Variants in STAT5B observed in about 807,000 individuals in gnomAD.
STAT5B encodes transcription factor STAT5B.
A neutral mutation model predicts 107.8 loss-of-function variants in STAT5B; 21 were observed. The ratio of observed to expected loss-of-function variants is 0.19; its 90% CI spans 0.14 to 0.28. STAT5B has a LOEUF of 0.28. STAT5B is among the 10% of genes least tolerant of loss of function. The pLI, the probability that STAT5B is intolerant of heterozygous loss-of-function variation, is 1.00. For synonymous variants in STAT5B, 325 were observed against 401.7 expected (o/e 0.81, Z 2.28); for missense variants, 565 against 1,008.2 (o/e 0.56, Z 5.95).
upstream of STAT5B, among the ~76,000 whole-genome samples, chr17:42,280,165 C>G (rs879556521): frequency 2.4e-4 from 36 of 152,096 alleles, no homozygotes; most frequent in Non-Finnish European, 3.7e-4. Flanking sequence ...TCCAACCCAT[C>G]AGGAATGACC....
At chr17:42,269,744 A>G (rs911105219) in intron 1 of STAT5B, 1 of 152,084 alleles carries the variant, frequency 6.6e-6, no homozygotes, top group Admixed American at 6.6e-5. Context: ...TTAAAGCACT[A>G]CGCTTTAGGG....
intron 16 of STAT5B, among the ~76,000 whole-genome samples, chr17:42,204,893 CA>C (rs2080073912): frequency 1.3e-5 from 2 of 152,188 alleles, no homozygotes; most frequent in African/African-American, 4.8e-5. Context: ...GAATTACAGG[CA>C]TGAGCCACTG....
At chr17:42,253,637 A>AT (rs1477780918) in intron 1 of STAT5B, among the ~76,000 whole-genome samples, 4 of 152,100 alleles carry the variant, frequency 2.6e-5, no homozygotes, top group African/African-American at 7.2e-5. Context: ...CATCACAACC[A>AT]TTTCCACCTT....
chr17:42,202,582 G>A (rs2080054233), intron 17 of STAT5B, 135 bp from the exon 18 acceptor site: 1 of 1,427,532 alleles, frequency 7.0e-7, no homozygotes, highest in Admixed American at 1.7e-5. Context: ...TGGGGCTCCA[G>A]CTACAGGAGT....
At chr17:42,202,997 C>T (rs867609652) in intron 16 of STAT5B, 189 bp from the exon 17 acceptor site, 28 of 741,390 alleles carry the variant, frequency 3.8e-5, no homozygotes, top group Middle Eastern at 3.4e-4. Context: ...GGCTGGAGTA[C>T]GGTGGTGCAA....
Position 42,201,753 on chromosome 17 carries a change from C to T in STAT5B, c.2349G>A (p.Pro783=), listed in dbSNP as rs997750230. The T allele has an allele frequency of 8.7e-6, 14 of 1,608,864 alleles. No homozygotes were observed. The highest frequency in any genetic ancestry group is 4.4e-5 in the South Asian group (4 of 90,986). ...GGTCGCGGGGTCACGATTGTGCGTGCGGGATCCACTGACTGTCCATTGGCC... is the reference window on the plus strand; with the variant it reads ...GGTCGCGGGGTCACGATTGTGCGTGTGGGATCCACTGACTGTCCATTGGCC... The part of the protein sequence containing the change: ...LGRPMDSQWI[P]HAQS Residue 783 remains proline (P), a synonymous_variant, in exon 19 of 19, where the codon CCG becomes CCA. Coordinates refer to ENST00000293328, the MANE Select transcript of STAT5B (RefSeq NM_012448.4).
chr17:42,246,543 T>A (rs1027158016), intron 1 of STAT5B, among the ~76,000 whole-genome samples: 1 of 152,204 alleles, frequency 6.6e-6, no homozygotes, highest in Non-Finnish European at 1.5e-5. Flanking sequence ...CCCTCTTTCA[T>A]CTTTGATGTG....
At chr17:42,250,008 G>A (rs2080484896) in intron 1 of STAT5B, among the ~76,000 whole-genome samples, 2 of 152,112 alleles carry the variant, frequency 1.3e-5, no homozygotes, top group South Asian at 4.1e-4. Context: ...GAAAGCCTAC[G>A]CATTCAATCT....
At chr17:42,270,350 T>G (rs1481288995) in intron 1 of STAT5B, among the ~76,000 whole-genome samples, 2 of 151,746 alleles carry the variant, frequency 1.3e-5, no homozygotes, top group Non-Finnish European at 2.9e-5. Flanking sequence ...ATAAAATGAG[T>G]GGGATTGTTG....
intron 1 of STAT5B, among the ~76,000 whole-genome samples, chr17:42,260,813 T>A (rs1231214785): frequency 1.3e-5 from 2 of 152,310 alleles, no homozygotes; most frequent in East Asian, 3.9e-4. Context: ...AAAATTACAA[T>A]TGGAGCTCAC....
chr17:42,251,608 A>G (rs762571806), intron 1 of STAT5B, among the ~76,000 whole-genome samples: 2 of 151,976 alleles, frequency 1.3e-5, no homozygotes, highest in Non-Finnish European at 2.9e-5. Flanking sequence ...CATGATACCT[A>G]TAACTAAACA....
intron 9 of STAT5B, 192 bp downstream of exon 9, chr17:42,217,959 G>A (rs1383821056): frequency 3.3e-6 from 3 of 919,500 alleles, no homozygotes; most frequent in African/African-American, 1.7e-5. Flanking sequence ...GCCCACCTCG[G>A]CCTCTTAAAG....
intron 5 of STAT5B, 63 bp from the exon 6 acceptor site, chr17:42,219,905 A>G: frequency 1.2e-6 from 2 of 1,612,450 alleles, no homozygotes; most frequent in Admixed American, 3.3e-5. Flanking sequence ...GGCCCAGAGA[A>G]GCCCACTCAC....
At chr17:42,256,417 T>C (rs953736886) in intron 1 of STAT5B, among the ~76,000 whole-genome samples, 1 of 152,116 alleles carries the variant, frequency 6.6e-6, no homozygotes, top group African/African-American at 2.4e-5. Context: ...AAAGGCACAC[T>C]TTCAGTCCTT....
chr17:42,279,495 G>A (rs1010720802), upstream of STAT5B, among the ~76,000 whole-genome samples: 3 of 152,120 alleles, frequency 2.0e-5, no homozygotes, highest in Admixed American at 1.3e-4. Flanking sequence ...TAGTTTAAAT[G>A]TCCTGAAGGG....
At chr17:42,273,392 T>C (rs1366161329) in intron 1 of STAT5B, among the ~76,000 whole-genome samples, 3 of 152,228 alleles carry the variant, frequency 2.0e-5, no homozygotes, top group African/African-American at 7.2e-5. Context: ...TGATATTTTA[T>C]AGTATCAAAA....
At chr17:42,252,859 C>G (rs1213797957) in intron 1 of STAT5B, among the ~76,000 whole-genome samples, 1 of 152,166 alleles carries the variant, frequency 6.6e-6, no homozygotes, top group Non-Finnish European at 1.5e-5. Context: ...AGCTAAAATT[C>G]CAAAGAAAGG....
chr17:42,261,902 G>A (rs1215153756), intron 1 of STAT5B, among the ~76,000 whole-genome samples: 3 of 151,958 alleles, frequency 2.0e-5, no homozygotes, highest in Non-Finnish European at 4.4e-5. Context: ...ATCTCATTAC[G>A]TTGTCCAGGC....
At chr17:42,248,411 A>G (rs1200020396) in intron 1 of STAT5B, among the ~76,000 whole-genome samples, 3 of 152,170 alleles carry the variant, frequency 2.0e-5, no homozygotes, top group Non-Finnish European at 4.4e-5. Context: ...CCAGGTATAA[A>G]AAGCAATTAC....
Sources: gnomAD v4.1 joint callset for allele counts (sites outside exome capture counted in the v4.1 genomes callset) on GRCh38, gnomAD v4.1.1 for gene constraint, MANE v1.5 for transcripts, NCBI Gene and HGNC (gene_info 2026-07-23, HGNC 2026-07-21) for gene names.